Variants in SPATA16 observed in about 807,000 individuals in gnomAD.
The protein encoded by SPATA16 is spermatogenesis associated 16.
SPATA16 carries 36 observed loss-of-function variants against 63.3 expected under a neutral mutation model. The observed-to-expected ratio is 0.57, with a 90% CI of 0.44 to 0.75. The LOEUF is 0.75. Ranked by LOEUF, SPATA16 falls within the 30% of genes least tolerant of loss-of-function variation. The pLI, the probability that SPATA16 is intolerant of heterozygous loss-of-function variation, is 0.00. For synonymous variants in SPATA16, 203 were observed against 216.7 expected, an observed-to-expected ratio of 0.94 and a Z score of 0.56; for missense variants, 646 against 679.3, an observed-to-expected ratio of 0.95 and a Z score of 0.54.
At chr3:173,022,046 T>C (rs1735344458) in intron 3 of SPATA16, among the ~76,000 whole-genome samples, 1 of 151,868 alleles carries the variant, frequency 6.6e-6, no homozygotes. Flanking sequence ...AAAGAGCTTA[T>C]CAAAAGAGAG....
intron 3 of SPATA16, among the ~76,000 whole-genome samples, chr3:173,020,723 C>T (rs1024672316): frequency 2.0e-5 from 3 of 152,144 alleles, no homozygotes; most frequent in African/African-American, 7.2e-5. Context: ...TGGATGCAGT[C>T]CATGCCCTAT....
chr3:173,046,896 A>G (rs1412802128), intron 3 of SPATA16, among the ~76,000 whole-genome samples: 1 of 152,038 alleles, frequency 6.6e-6, no homozygotes, highest in Non-Finnish European at 1.5e-5. Context: ...TAATTGTACA[A>G]ATTGACTGTT....
intron 2 of SPATA16, among the ~76,000 whole-genome samples, chr3:173,106,703 C>T (rs1737630155): frequency 1.3e-5 from 2 of 152,138 alleles, no homozygotes; most frequent in African/African-American, 4.8e-5. Flanking sequence ...CTCTGGCTTG[C>T]TCATCACTTT....
chr3:173,104,668 A>G (rs977921115), intron 2 of SPATA16, among the ~76,000 whole-genome samples: 4 of 152,082 alleles, frequency 2.6e-5, no homozygotes, highest in Non-Finnish European at 1.5e-5. Flanking sequence ...CCAGTTCCCA[A>G]CTCTAGCACA....
At chr3:172,935,962 G>T (rs925884660) in intron 6 of SPATA16, among the ~76,000 whole-genome samples, 1 of 152,142 alleles carries the variant, frequency 6.6e-6, no homozygotes, top group African/African-American at 2.4e-5. Context: ...GACTGCACAG[G>T]ATTCTCACAG....
In SPATA16 at chr3:173,076,391, A is replaced by G. The variant is rs939330839; in HGVS notation, c.613-27297T>C. 3.7e-4 allele frequency among the ~76,000 whole-genome samples: 53 copies of G among 143,416 alleles called. 1 individual carries two copies. Among genetic ancestry groups the G allele is most frequent in the Non-Finnish European group, 2.6e-4 (17 of 65,984 alleles). 94.1% of individuals were successfully genotyped at this position (143,416 alleles called of 152,430 possible). On this transcript the variant is annotated intron_variant, in intron 2 of 10. Coordinates refer to ENST00000351008, the MANE Select transcript of SPATA16 (RefSeq NM_031955.6). ...CACCAGGTCTGAAATCCTGGTTAGT[A>G]TAAAATTTTTTTTTTTTAAATCAGC... is the stretch of plus-strand genomic sequence containing the variant.
intron 4 of SPATA16, among the ~76,000 whole-genome samples, chr3:172,994,017 T>A (rs1487677395): frequency 6.6e-6 from 1 of 152,166 alleles, no homozygotes; most frequent in East Asian, 1.9e-4. Context: ...AGCCATAAAC[T>A]TTTCATTACA....
intron 10 of SPATA16, among the ~76,000 whole-genome samples, chr3:172,909,099 C>A (rs769415849): frequency 2.6e-4 from 39 of 152,046 alleles, no homozygotes; most frequent in Non-Finnish European, 4.7e-4. Flanking sequence ...CACCAGTGAG[C>A]CTTTCTAGAT....
intron 9 of SPATA16, 135 bp downstream of exon 9, chr3:172,916,182 T>C: frequency 9.3e-7 from 1 of 1,080,148 alleles, no homozygotes; most frequent in Non-Finnish European, 1.4e-6. Context: ...ATTAGAATGC[T>C]TCAAGAAGGT....
intron 6 of SPATA16, among the ~76,000 whole-genome samples, chr3:172,948,612 G>A (rs774327317): frequency 2.6e-5 from 4 of 151,902 alleles, no homozygotes; most frequent in African/African-American, 2.4e-5. Flanking sequence ...GACTACAGAT[G>A]TGTACCATCA....
chr3:172,944,483 T>C (rs1733234843), intron 6 of SPATA16, among the ~76,000 whole-genome samples: 1 of 152,184 alleles, frequency 6.6e-6, no homozygotes, highest in South Asian at 2.1e-4. Context: ...AGATTTACCA[T>C]ATGATCCAGC....
intron 10 of SPATA16, among the ~76,000 whole-genome samples, chr3:172,913,042 T>C (rs1363948697): frequency 6.6e-6 from 1 of 152,192 alleles, no homozygotes; most frequent in African/African-American, 2.4e-5. Context: ...GGGGAGTTGA[T>C]TGATCAGAAC....
intron 4 of SPATA16, among the ~76,000 whole-genome samples, chr3:173,009,363 G>A (rs1400834749): frequency 6.6e-6 from 1 of 152,202 alleles, no homozygotes; most frequent in Admixed American, 6.5e-5. Context: ...GTGGGGGAAA[G>A]GGTGATTGAA....
chr3:172,948,290 T>A (rs80218139), intron 6 of SPATA16, among the ~76,000 whole-genome samples: 13,289 of 152,184 alleles, frequency 0.087, 1,940 homozygotes, highest in African/African-American at 0.3. Flanking sequence ...CCGACTTCTC[T>A]GTGGAAACCT....
intron 8 of SPATA16, among the ~76,000 whole-genome samples, chr3:172,923,174 A>G (rs1732653246): frequency 6.6e-6 from 1 of 152,148 alleles, no homozygotes; most frequent in African/African-American, 2.4e-5. Context: ...GTGTTTTGTT[A>G]TGGCAGCCTG....
intron 6 of SPATA16, among the ~76,000 whole-genome samples, chr3:172,930,626 T>C (rs1732850358): frequency 6.9e-6 from 1 of 144,674 alleles, no homozygotes; most frequent in Non-Finnish European, 1.5e-5. Flanking sequence ...TGGCGCGATC[T>C]CAGCTCCCTG....
At chr3:173,115,411 C>T (rs1235670702) in intron 2 of SPATA16, among the ~76,000 whole-genome samples, 2 of 152,138 alleles carry the variant, frequency 1.3e-5, no homozygotes, top group Non-Finnish European at 2.9e-5. Flanking sequence ...GCAGAATGGC[C>T]TGGTATTCTT....
chr3:172,918,510 T>TTA (rs1172220034), intron 8 of SPATA16, among the ~76,000 whole-genome samples: 3 of 152,044 alleles, frequency 2.0e-5, no homozygotes, highest in African/African-American at 7.2e-5. Context: ...GCAGTTTTGG[T>TTA]TATCAGGAAA....
intron 2 of SPATA16, among the ~76,000 whole-genome samples, chr3:173,062,067 T>G (rs892010302): frequency 1.1e-4 from 8 of 76,172 alleles, no homozygotes; most frequent in African/African-American, 5.1e-4. Flanking sequence ...TTTTTTTTTT[T>G]GCCAGGTAGC....
Sources: gnomAD v4.1 joint callset for allele counts (sites outside exome capture counted in the v4.1 genomes callset) on GRCh38, gnomAD v4.1.1 for gene constraint, MANE v1.5 for transcripts, NCBI Gene and HGNC (gene_info 2026-07-23, HGNC 2026-07-21) for gene names.